The following AGXT2 variants were observed in gnomAD, a reference collection of about 807,000 sequenced individuals.
AGXT2 encodes the protein alanine--glyoxylate aminotransferase 2, mitochondrial.
Under a neutral mutation model 62.5 loss-of-function variants are expected in AGXT2, and 61 were observed. The observed-to-expected ratio is 0.98, with a 90% CI of 0.79 to 1.21. The LOEUF is 1.21. Among genes scored for constraint, AGXT2 ranks in the 50% most tolerant of loss-of-function variants. The pLI is 0.00. For synonymous variants in AGXT2, 243 were observed against 218.7 expected (o/e 1.11, Z -0.98); for missense variants, 666 against 641.5 (o/e 1.04, Z -0.41).
intron 4 of AGXT2, among the ~76,000 whole-genome samples, chr5:35,036,082 G>GAA (rs112575088): frequency 7.8e-4 from 115 of 147,946 alleles, no homozygotes; most frequent in African/African-American, 1.6e-3. Flanking sequence ...GTCTCAAAAA[G>GAA]AAAAAAAAAA....
Position 35,025,797 on chromosome 5 carries a change from A to T in AGXT2, c.929T>A (p.Val310Glu). The T allele has an allele frequency of 1.9e-6, 3 of 1,614,144 alleles. No individual in the cohort carries two copies. Among genetic ancestry groups the T allele is most frequent in the Non-Finnish European group, 8.5e-7 (1 of 1,180,006 alleles). The part of the protein sequence containing the change: ...KGFLKEAFEL[V>E]RARGGVCIAD... Reference sequence around the variant, plus strand: ...AATGCACACGCCTCCCCTTGCTCGCACCAGCTCAAAGGCTTCCTTTAGAAA... The same window carrying T: ...AATGCACACGCCTCCCCTTGCTCGCTCCAGCTCAAAGGCTTCCTTTAGAAA... Residue 310 changes from valine (V) to glutamate (E), a missense_variant, in exon 9 of 14, where the codon GTG becomes GAG. Val to Glu is a moderately radical substitution (Grantham distance 121, BLOSUM62 -2). Coordinates refer to ENST00000231420, the MANE Select transcript of AGXT2 (RefSeq NM_031900.4).
At chr5:35,017,412 G>A (rs1422858960) in intron 9 of AGXT2, among the ~76,000 whole-genome samples, 1 of 152,198 alleles carries the variant, frequency 6.6e-6, no homozygotes, top group Non-Finnish European at 1.5e-5. Context: ...TGTTGTGGGA[G>A]GGACCTGATG....
At chr5:35,026,593 G>GT in intron 7 of AGXT2, 83 bp from the exon 8 acceptor site, 13 of 1,233,680 alleles carry the variant, frequency 1.1e-5, no homozygotes, top group Non-Finnish European at 1.0e-5. Flanking sequence ...GGGAAAAACA[G>GT]GAAAAAAAAA....
intron 1 of AGXT2, among the ~76,000 whole-genome samples, chr5:35,040,968 T>C (rs1277344154): frequency 2.0e-5 from 3 of 152,006 alleles, no homozygotes; most frequent in Admixed American, 6.6e-5. Context: ...CTCTCATCAG[T>C]AGGCAAAACT....
chr5:35,007,271 A>G (rs747390881), intron 12 of AGXT2, among the ~76,000 whole-genome samples: 3 of 152,246 alleles, frequency 2.0e-5, no homozygotes, highest in Admixed American at 6.5e-5. Flanking sequence ...TGGACTTTCC[A>G]GTCTCCAGAA....
chr5:35,003,621 G>T, intron 13 of AGXT2, 142 bp downstream of exon 13: 1 of 785,642 alleles, frequency 1.3e-6, no homozygotes, highest in Non-Finnish European at 2.2e-6. Context: ...GATGACATGT[G>T]GCTGGGTACC....
intron 11 of AGXT2, among the ~76,000 whole-genome samples, chr5:35,011,745 T>G (rs1766649353): frequency 6.6e-6 from 1 of 152,028 alleles, no homozygotes; most frequent in African/African-American, 2.4e-5. Context: ...AGTTCTATCC[T>G]TCGGTCCAGC....
chr5:35,005,194 G>A (rs924107890), intron 12 of AGXT2, among the ~76,000 whole-genome samples: 4 of 152,090 alleles, frequency 2.6e-5, no homozygotes, highest in African/African-American at 7.2e-5. Context: ...CGGAGGGAAG[G>A]TTGGGTTGGG....
chr5:35,001,727 T>C (rs536993785), intron 13 of AGXT2, among the ~76,000 whole-genome samples: 1 of 152,334 alleles, frequency 6.6e-6, no homozygotes, highest in East Asian at 1.9e-4. Flanking sequence ...TAGTTCTTTG[T>C]ACTCTGCCAC....
At chr5:35,032,927 C>T in intron 6 of AGXT2, 102 bp from the exon 7 acceptor site, 1 of 917,764 alleles carries the variant, frequency 1.1e-6, no homozygotes. Context: ...TCTTAGTTTT[C>T]CTCCCTCATT....
At chr5:35,004,537 CCTGTCTT>C (rs1766352011) in intron 12 of AGXT2, among the ~76,000 whole-genome samples, 3 of 152,220 alleles carry the variant, frequency 2.0e-5, no homozygotes. Flanking sequence ...CTGTGCGTCC[CCTGTCTT>C]CCCAGTCTGT....
chr5:35,039,388 C>T lies in AGXT2; in HGVS notation c.298G>A (p.Glu100Lys), dbSNP rs777773256. 6.2e-7 allele frequency: 1 copy of T among 1,614,156 alleles called. No homozygotes were observed. The highest frequency in any genetic ancestry group is 8.5e-7 in the Non-Finnish European group (1 of 1,179,996). Reference protein sequence around the residue: ...QGHMEWLFDAEGSRYLDFFSG... With the variant: ...QGHMEWLFDAKGSRYLDFFSG... The stretch of plus-strand genomic sequence containing the variant: ...AAGAAATCCAGGTATCTGCTTCCTT[C>T]AGCATCAAAGAGCCACTCCATGTGC... Residue 100 changes from glutamate to lysine, a missense_variant, in exon 3 of 14, where the codon GAA (glutamate) becomes AAA (lysine). By Grantham distance (56) the Glu-to-Lys change is moderately conservative. Coordinates refer to ENST00000231420, the MANE Select transcript of AGXT2 (RefSeq NM_031900.4).
intron 12 of AGXT2, among the ~76,000 whole-genome samples, chr5:35,004,631 G>T (rs1766355203): frequency 6.6e-6 from 1 of 152,222 alleles, no homozygotes; most frequent in Non-Finnish European, 1.5e-5. Context: ...GCTTTCAAAT[G>T]ACAGATATTT....
intron 12 of AGXT2, among the ~76,000 whole-genome samples, chr5:35,008,931 C>A (rs1766526764): frequency 6.6e-6 from 1 of 152,116 alleles, no homozygotes; most frequent in African/African-American, 2.4e-5. Flanking sequence ...GGCACAATTT[C>A]CTACAGGCAT....
intron 1 of AGXT2, among the ~76,000 whole-genome samples, chr5:35,042,441 T>C (rs1374265094): frequency 6.6e-6 from 1 of 152,048 alleles, no homozygotes; most frequent in African/African-American, 2.4e-5. Flanking sequence ...AGTCAGTAAG[T>C]GAAATAAACC....
chr5:35,046,018 C>T (rs967864765), intron 1 of AGXT2, among the ~76,000 whole-genome samples: 7 of 152,120 alleles, frequency 4.6e-5, no homozygotes, highest in Admixed American at 1.3e-4. Context: ...CCGCCCGCCT[C>T]AGCCTCACAA....
chr5:35,026,545 C>T (rs760447666), intron 7 of AGXT2, 35 bp from the exon 8 acceptor site: 4 of 1,551,846 alleles, frequency 2.6e-6, no homozygotes, highest in African/African-American at 2.7e-5. Flanking sequence ...AAACAAACCA[C>T]AGCATTTGAA....
intron 9 of AGXT2, among the ~76,000 whole-genome samples, chr5:35,024,826 C>T (rs1189527732): frequency 1.3e-5 from 2 of 151,922 alleles, no homozygotes; most frequent in Non-Finnish European, 2.9e-5. Flanking sequence ...CAAAACTAGC[C>T]GGGTGTGGTG....
At chr5:35,005,663 C>T (rs1450864582) in intron 12 of AGXT2, among the ~76,000 whole-genome samples, 1 of 109,946 alleles carries the variant, frequency 9.1e-6, no homozygotes, top group Admixed American at 1.0e-4. Context: ...TCTTGTATGC[C>T]ATCCTCAGGG....
Sources: gnomAD v4.1 joint callset for allele counts (sites outside exome capture counted in the v4.1 genomes callset) on GRCh38, gnomAD v4.1.1 for gene constraint, MANE v1.5 for transcripts, NCBI Gene and HGNC (gene_info 2026-07-23, HGNC 2026-07-21) for gene names.